The following ARHGAP44 variants were observed in gnomAD, a reference collection of about 807,000 sequenced individuals.
ARHGAP44 encodes the protein rho GTPase-activating protein 44.
In ARHGAP44, 43 loss-of-function variants were observed where a neutral mutation model predicts 106.8. The observed-to-expected ratio is 0.40, with a 90% CI of 0.32 to 0.52. The LOEUF (loss-of-function observed/expected upper bound fraction) is 0.52, where lower values mean the gene tolerates loss of function less well. Among genes scored for constraint, ARHGAP44 ranks in the 20% least tolerant of loss-of-function variants. The pLI, the probability that ARHGAP44 is intolerant of heterozygous loss-of-function variation, is 0.48. For synonymous variants in ARHGAP44, 439 were observed against 410.3 expected, an observed-to-expected ratio of 1.07 and a Z score of -0.85; for missense variants, 866 against 1,050.5, an observed-to-expected ratio of 0.82 and a Z score of 2.43.
intron 12 of ARHGAP44, among the ~76,000 whole-genome samples, chr17:12,951,848 G>A (rs2038998802): frequency 6.6e-6 from 1 of 152,090 alleles, no homozygotes; most frequent in Admixed American, 6.5e-5. Context: ...CAGAGACTTC[G>A]ATTGAATTGG....
At chr17:12,792,006 T>G in intron 1 of ARHGAP44, among the ~76,000 whole-genome samples, 1 of 152,150 alleles carries the variant, frequency 6.6e-6, no homozygotes, top group African/African-American at 2.4e-5. Flanking sequence ...CTTGCCAGGG[T>G]TCTACAGGAC....
chr17:12,962,957 A>C (rs543319824), intron 16 of ARHGAP44, among the ~76,000 whole-genome samples: 339 of 149,432 alleles, frequency 2.3e-3, no homozygotes, highest in African/African-American at 7.6e-3. Flanking sequence ...AGGCAGGAGA[A>C]TCGCTTGAAC....
intron 1 of ARHGAP44, among the ~76,000 whole-genome samples, chr17:12,856,111 T>C (rs986411156): frequency 8.5e-5 from 13 of 152,244 alleles, no homozygotes; most frequent in African/African-American, 3.1e-4. Flanking sequence ...TCTCCATAGC[T>C]GAGGGGCCAC....
chr17:12,894,965 G>T lies in ARHGAP44; in HGVS notation c.79G>T (p.Glu27Ter). The T allele has an allele frequency of 6.3e-7, 1 of 1,589,830 alleles. No individual in the cohort carries two copies. Among genetic ancestry groups the T allele is most frequent in the African/African-American group, 1.3e-5 (1 of 74,728 alleles). The change falls in exon 2 of 21, where the codon GAA (glutamate) becomes TAA (stop). Residue 27 changes from glutamate (E) to a stop codon, truncating the protein, a stop_gained. Coordinates refer to ENST00000379672, the MANE Select transcript of ARHGAP44 (RefSeq NM_014859.6). LOFTEE classifies it high-confidence loss of function. ...GRAEKTEVLS[E>*]DLLQVEKRLE... Reference sequence around the variant, plus strand: ...GGCTGAAAAGACAGAAGTTTTGAGTGAAGACCTTCTTCAGGTAAGGCGGCC... The same window carrying T: ...GGCTGAAAAGACAGAAGTTTTGAGTTAAGACCTTCTTCAGGTAAGGCGGCC...
chr17:12,843,951 C>G (rs897909402), intron 1 of ARHGAP44, among the ~76,000 whole-genome samples: 2 of 152,098 alleles, frequency 1.3e-5, no homozygotes, highest in African/African-American at 2.4e-5. Flanking sequence ...GCCACCATGC[C>G]TGGCCTACTT....
intron 19 of ARHGAP44, among the ~76,000 whole-genome samples, chr17:12,981,542 C>T (rs1026646536): frequency 1.3e-5 from 2 of 152,070 alleles, no homozygotes; most frequent in African/African-American, 4.8e-5. Flanking sequence ...AAATTAAAGG[C>T]GTCTACCACC....
intron 18 of ARHGAP44, among the ~76,000 whole-genome samples, chr17:12,978,570 C>G (rs2039753246): frequency 6.6e-6 from 1 of 152,092 alleles, no homozygotes; most frequent in African/African-American, 2.4e-5. Flanking sequence ...TCTTTCTCAC[C>G]TCAGTGGACG....
intron 4 of ARHGAP44, among the ~76,000 whole-genome samples, chr17:12,912,849 C>T (rs60537985): frequency 0.033 from 4,961 of 152,232 alleles, 280 homozygotes; most frequent in African/African-American, 0.11. Flanking sequence ...AGGAGAATAC[C>T]GTGACATACG....
intron 4 of ARHGAP44, among the ~76,000 whole-genome samples, chr17:12,915,667 C>T (rs2037888448): frequency 6.6e-6 from 1 of 152,220 alleles, no homozygotes; most frequent in Admixed American, 6.5e-5. Flanking sequence ...TGTTTCCCCA[C>T]ATTTCCCCTT....
At chr17:12,969,174 C>T (rs2039466107) in intron 16 of ARHGAP44, among the ~76,000 whole-genome samples, 1 of 152,166 alleles carries the variant, frequency 6.6e-6, no homozygotes, top group East Asian at 1.9e-4. Flanking sequence ...ACCCAGGTGA[C>T]ATGGGCCAGA....
intron 1 of ARHGAP44, among the ~76,000 whole-genome samples, chr17:12,856,538 T>C (rs1463644095): frequency 6.6e-6 from 1 of 152,230 alleles, no homozygotes; most frequent in East Asian, 1.9e-4. Context: ...TATTTTTGCA[T>C]GCCTGTCCTC....
chr17:12,907,448 C>A (rs2037588275), intron 3 of ARHGAP44, among the ~76,000 whole-genome samples: 1 of 152,158 alleles, frequency 6.6e-6, no homozygotes, highest in African/African-American at 2.4e-5. Context: ...CAAAGGGAAC[C>A]CCATACCCAT....
intron 1 of ARHGAP44, among the ~76,000 whole-genome samples, chr17:12,827,897 G>A (rs2034967359): frequency 6.6e-6 from 1 of 151,922 alleles, no homozygotes; most frequent in Admixed American, 6.6e-5. Flanking sequence ...AAATCAGCCA[G>A]GTGTGGTGGT....
chr17:12,910,247 G>A (rs1324144260), intron 4 of ARHGAP44, among the ~76,000 whole-genome samples: 2 of 146,448 alleles, frequency 1.4e-5, no homozygotes, highest in African/African-American at 5.1e-5. Flanking sequence ...AGATTGTGTT[G>A]TAGGGGAGGA....
chr17:12,952,722 C>CTCTT lies in ARHGAP44; in HGVS notation c.1136+142_1136+143insCTTT. 3 of 304,792 alleles carry CTCTT rather than the reference C, an allele frequency of 9.8e-6. No individual in the cohort carries two copies. The East Asian group carries it at 1.8e-4, about 18-fold the overall frequency. 18.9% of individuals were successfully genotyped at this position (304,792 alleles called of 1,614,324 possible). A position where few individuals can be genotyped will look rare whatever the true frequency, so the allele number is the denominator to read the frequency against. ...AAGGTATTATTAACATGCATGGTCT[C>CTCTT]TTTTTTTTTTTTTTTTTTTTTTTTT... On this transcript the variant is annotated intron_variant, in intron 13 of 20. Transcript: ENST00000379672.
chr17:12,991,544 G>C lies in ARHGAP44; in HGVS notation c.*1373G>C, dbSNP rs1051576496. 1 of 176,432 alleles carries C rather than the reference G, an allele frequency of 5.7e-6. No individual in the cohort carries two copies. Among genetic ancestry groups the C allele is most frequent in the African/African-American group, 2.4e-5 (1 of 42,166 alleles). The allele number at this position is 176,432 out of a possible 1,614,324, so 10.9% of individuals were successfully genotyped here. ...CAGGTCATGCCTCAATTTGTAATGG[G>C]AGTCTGGGGTAAGGGTGGGGGTTGA... is the stretch of plus-strand genomic sequence containing the variant. On this transcript the variant is annotated 3_prime_UTR_variant, in exon 21 of 21. Transcript: ENST00000379672.
chr17:12,789,741 C>T lies in ARHGAP44; in HGVS notation c.-98C>T, dbSNP rs2033674736. On this transcript the variant is annotated 5_prime_UTR_variant, in exon 1 of 21. Coordinates refer to ENST00000379672, the MANE Select transcript of ARHGAP44 (RefSeq NM_014859.6). ...AGGCTCCGCAGTGCCGCCGCCGTCG[C>T]CCGGGAGGCTCCGCGCGGGAGCCAT... 4 of 1,187,472 alleles carry T rather than the reference C, an allele frequency of 3.4e-6. No individual in the cohort carries two copies. In the South Asian group the frequency reaches 7.1e-5, roughly 21 times the overall value. The allele number at this position is 1,187,472 out of a possible 1,614,324, so 73.6% of individuals were successfully genotyped here.
chr17:12,841,063 G>T (rs60500717), intron 1 of ARHGAP44, among the ~76,000 whole-genome samples: 4 of 151,964 alleles, frequency 2.6e-5, no homozygotes, highest in Admixed American at 2.0e-4. Context: ...CAGCAAGGAT[G>T]GGAAAGCCCC....
intron 13 of ARHGAP44, 88 bp downstream of exon 13, chr17:12,952,669 C>A: frequency 2.4e-6 from 2 of 820,634 alleles, no homozygotes; most frequent in Non-Finnish European, 3.8e-6. Context: ...GTCATGGTAA[C>A]TACCATGCAT....
Sources: gnomAD v4.1 joint callset for allele counts (sites outside exome capture counted in the v4.1 genomes callset) on GRCh38, gnomAD v4.1.1 for gene constraint, MANE v1.5 for transcripts, NCBI Gene and HGNC (gene_info 2026-07-23, HGNC 2026-07-21) for gene names.